Variants in KCNQ1 observed in about 807,000 individuals in gnomAD.
KCNQ1 encodes potassium voltage-gated channel subfamily Q member 1, also known as potassium voltage-gated channel subfamily KQT member 1.
A neutral mutation model predicts 72.4 loss-of-function variants in KCNQ1; 49 were observed. That is an observed-to-expected ratio of 0.68 (90% CI 0.54 to 0.86). KCNQ1 has a LOEUF of 0.86. KCNQ1 is among the 40% of genes least tolerant of loss of function. The probability of loss-of-function intolerance (pLI) is 0.00; values close to 1 mark genes in which losing one functional copy is unlikely to be tolerated. For missense variants in KCNQ1, 790 were observed against 945.1 expected, an observed-to-expected ratio of 0.84 and a Z score of 2.15; for synonymous variants, 450 against 412.6, an observed-to-expected ratio of 1.09 and a Z score of -1.10.
At chr11:2,749,463 A>G (rs1446379282) in intron 11 of KCNQ1, among the ~76,000 whole-genome samples, 1 of 152,090 alleles carries the variant, frequency 6.6e-6, no homozygotes, top group Non-Finnish European at 1.5e-5. Flanking sequence ...TCTGGGCCCC[A>G]GTTCCCTTAT....
intron 10 of KCNQ1, chr11:2,650,731 G>A (rs1849744061): frequency 2.5e-6 from 1 of 398,598 alleles, no homozygotes; most frequent in Non-Finnish European, 4.4e-6. Flanking sequence ...GAATGCTATT[G>A]GAATTTGGCT....
chr11:2,773,056 A>G lies in KCNQ1; in HGVS notation c.1591-2904A>G, dbSNP rs113551041. On this transcript the variant is annotated intron_variant, in intron 12 of 15. Coordinates refer to ENST00000155840, the MANE Select transcript of KCNQ1 (RefSeq NM_000218.3). ...GATTCCCTGACCTTTCTCAACTCCC[A>G]TCCTATGTCATCCTCACTCCCTCCC... Among the ~76,000 whole-genome samples, 518 of 152,274 alleles carry G rather than the reference A, an allele frequency of 3.4e-3. 3 individuals are homozygous for G. The highest frequency in any genetic ancestry group is 0.012 in the African/African-American group (495 of 41,546).
At position 2,541,087 on chromosome 11, in the gene KCNQ1, GCATGCACA is replaced by G. The variant is rs1198229018; in HGVS notation, c.477+13071_477+13078del. Among the ~76,000 whole-genome samples, 1 of 152,246 alleles carries G rather than the reference GCATGCACA, an allele frequency of 6.6e-6. No individual in the cohort carries two copies. The highest frequency in any genetic ancestry group is 1.5e-5 in the Non-Finnish European group (1 of 68,034). ...CACGTTCAGGCTCAGACACGTGCCT[GCATGCACA>G]CGTGCACACGTGCACACCCAGCCCT... On this transcript the variant is annotated intron_variant, in intron 2 of 15. Coordinates refer to ENST00000155840, the MANE Select transcript of KCNQ1 (RefSeq NM_000218.3). This position sits in a 1 kb window ranked among gnomAD's most constrained non-coding sequence, Gnocchi z 4.8.
rs199472790 is a variant in KCNQ1 at position 2,768,900 on chromosome 11, T to G, written c.1571T>G (p.Val524Gly). ...IKVIRRMQYF[V>G]AKKKFQQARK... ...GTCATTCGACGCATGCAGTACTTTG[T>G]GGCCAAGAAGAAATTCCAGGTAAGC... The change falls in exon 12 of 16, where the codon GTG (valine) becomes GGG (glycine). Residue 524 changes from valine to glycine, a missense_variant. Transcript: ENST00000155840. This position sits in a 1 kb window ranked among gnomAD's most constrained non-coding sequence, Gnocchi z 6.7. 1.2e-6 allele frequency: 2 copies of G among 1,614,016 alleles called. No individual in the cohort carries two copies. The highest frequency in any genetic ancestry group is 1.7e-6 in the Non-Finnish European group (2 of 1,179,950).
chr11:2,472,158 GGT>G (rs1395940590), intron 1 of KCNQ1, among the ~76,000 whole-genome samples: 2 of 142,948 alleles, frequency 1.4e-5, no homozygotes, highest in African/African-American at 2.6e-5. Flanking sequence ...TTTATGTATG[GGT>G]GTGTGTGCAC....
chr11:2,458,585 C>T lies in KCNQ1; in HGVS notation c.386+13101C>T, dbSNP rs573844900. The stretch of plus-strand genomic sequence containing the variant: ...GCCAACCTCTCCAAAGCAGTAAAGG[C>T]CTTCGGACAGTGCACAGAAAGTGCT... On this transcript the variant is annotated intron_variant, in intron 1 of 15. Transcript: ENST00000155840. The surrounding 1 kb of genome is among the most constrained non-coding windows in gnomAD (Gnocchi z 4.6). Among the ~76,000 whole-genome samples the T allele has an allele frequency of 2.0e-5, 3 of 151,008 alleles. No individual in the cohort carries two copies. Among genetic ancestry groups the T allele is most frequent in the South Asian group, 4.2e-4 (2 of 4,766 alleles).
intron 2 of KCNQ1, among the ~76,000 whole-genome samples, chr11:2,539,836 C>T (rs1847794839): frequency 1.3e-5 from 2 of 152,208 alleles, no homozygotes; most frequent in Non-Finnish European, 2.9e-5. Flanking sequence ...GAAAGAGCCT[C>T]ATCAGTGAGT....
intron 15 of KCNQ1, among the ~76,000 whole-genome samples, chr11:2,814,431 T>A (rs1847571577): frequency 6.7e-6 from 1 of 148,418 alleles, no homozygotes; most frequent in Non-Finnish European, 1.5e-5. Context: ...GATGGATGGA[T>A]GGGGAAATGA....
chr11:2,667,930 C>T (rs1850112308), intron 11 of KCNQ1: 4 of 398,696 alleles, frequency 1.0e-5, no homozygotes, highest in Non-Finnish European at 1.8e-5. Context: ...ATGTGTGCAG[C>T]ACCCGGAGGA....
At position 2,498,686 on chromosome 11, in the gene KCNQ1, G is replaced by T. The variant is rs1357379889; in HGVS notation, c.387-29242G>T. Among the ~76,000 whole-genome samples the T allele has an allele frequency of 6.6e-6, 1 of 152,204 alleles. No homozygotes were observed. Among genetic ancestry groups the T allele is most frequent in the Non-Finnish European group, 1.5e-5 (1 of 68,044 alleles). On this transcript the variant is annotated intron_variant, in intron 1 of 15. Coordinates refer to ENST00000155840, the MANE Select transcript of KCNQ1 (RefSeq NM_000218.3). This position sits in a 1 kb window ranked among gnomAD's most constrained non-coding sequence, Gnocchi z 4.8. ...CCTGGCCTCAGCCCCCTTTCCAGGGGAGTAAATGATTCTGTCTTGCTGGGG... is the reference window on the plus strand; with the variant it reads ...CCTGGCCTCAGCCCCCTTTCCAGGGTAGTAAATGATTCTGTCTTGCTGGGG...
rs1412128013 is a variant in KCNQ1 at position 2,651,278 on chromosome 11, A to G, written c.1394-10683A>G. 6 of 398,674 alleles carry G rather than the reference A, an allele frequency of 1.5e-5. No homozygotes were observed. The highest frequency in any genetic ancestry group is 2.7e-5 in the Non-Finnish European group (6 of 226,090). The allele number at this position is 398,674 out of a possible 1,614,324, so 24.7% of individuals were successfully genotyped here. On this transcript the variant is annotated intron_variant, in intron 10 of 15. Transcript: ENST00000155840. The surrounding 1 kb of genome is among the most constrained non-coding windows in gnomAD (Gnocchi z 6.1). The stretch of plus-strand genomic sequence containing the variant: ...AGCTGTGCTGGTCACTTATTGAGAA[A>G]GAGCTTCATGGTGGGCAGCTGGGAA...
chr11:2,801,212 C>T (rs1259801610), intron 15 of KCNQ1, among the ~76,000 whole-genome samples: 4 of 152,200 alleles, frequency 2.6e-5, no homozygotes, highest in Non-Finnish European at 5.9e-5. Context: ...GGATACTGGG[C>T]TCCATGGCTG....
intron 1 of KCNQ1, among the ~76,000 whole-genome samples, chr11:2,525,292 C>T (rs1344394451): frequency 6.6e-6 from 1 of 152,250 alleles, no homozygotes; most frequent in African/African-American, 2.4e-5. Context: ...TCCAACCAAC[C>T]TTTGCTTGTG....
At chr11:2,700,260 G>A (rs1016697623) in intron 11 of KCNQ1, among the ~76,000 whole-genome samples, 18 of 152,186 alleles carry the variant, frequency 1.2e-4, no homozygotes, top group Middle Eastern at 3.4e-3. Flanking sequence ...CGCCCTCCCT[G>A]CCCCCACCCG....
chr11:2,710,724 T>G lies in KCNQ1; in HGVS notation c.1514+48643T>G, dbSNP rs1170533188. 6.6e-6 allele frequency among the ~76,000 whole-genome samples: 1 copy of G among 152,252 alleles called. No individual in the cohort carries two copies. The highest frequency in any genetic ancestry group is 1.5e-5 in the Non-Finnish European group (1 of 68,038). On this transcript the variant is annotated intron_variant, in intron 11 of 15. Transcript: ENST00000155840. This position sits in a 1 kb window ranked among gnomAD's most constrained non-coding sequence, Gnocchi z 4.1. ...AGACAGTTATCCCAACACCATTTGT[T>G]GAAAAGACTCTTCTTTCCTCAGTGA...
rs372121224 is a variant in KCNQ1, at chr11:2,647,160, A to G, written c.1394-14801A>G. The G allele has an allele frequency of 2.5e-6, 1 of 397,876 alleles. No individual in the cohort carries two copies. The highest frequency in any genetic ancestry group is 2.1e-5 in the African/African-American group (1 of 48,408). 24.6% of individuals were successfully genotyped at this position (397,876 alleles called of 1,614,324 possible). ...TTATGTTCCTTCTAGACATTATGTGATGAGCTTTTTTTTTTATCATGAAGA... is the reference window on the plus strand; with the variant it reads ...TTATGTTCCTTCTAGACATTATGTGGTGAGCTTTTTTTTTTATCATGAAGA... On this transcript the variant is annotated intron_variant, in intron 10 of 15. Coordinates refer to ENST00000155840, the MANE Select transcript of KCNQ1 (RefSeq NM_000218.3). This position sits in a 1 kb window ranked among gnomAD's most constrained non-coding sequence, Gnocchi z 4.0.
chr11:2,584,719 TGTG>T (rs574015286), intron 7 of KCNQ1, among the ~76,000 whole-genome samples: 151 of 128,324 alleles, frequency 1.2e-3, no homozygotes, highest in African/African-American at 3.9e-3. Context: ...GCATATCTAT[TGTG>T]TGTGTGTGTG....
At chr11:2,553,006 A>G (rs1017408456) in intron 2 of KCNQ1, among the ~76,000 whole-genome samples, 1 of 152,206 alleles carries the variant, frequency 6.6e-6, no homozygotes, top group Non-Finnish European at 1.5e-5. Flanking sequence ...TACTGAAATG[A>G]TATTGTTTTC....
At chr11:2,597,371 C>T (rs1848747501) in intron 10 of KCNQ1, among the ~76,000 whole-genome samples, 1 of 152,156 alleles carries the variant, frequency 6.6e-6, no homozygotes, top group Non-Finnish European at 1.5e-5. Context: ...AATAATCCAT[C>T]ATCAGGATAT....
Sources: allele counts gnomAD v4.1 joint callset (sites outside exome capture counted in the v4.1 genomes callset), GRCh38; gene constraint gnomAD v4.1.1; non-coding constraint Gnocchi (gnomAD v3.1); transcripts MANE v1.5; gene names NCBI Gene and HGNC (gene_info 2026-07-23, HGNC 2026-07-21).